The following CSMD3 variants were observed in gnomAD, a reference collection of about 807,000 sequenced individuals.
CSMD3 encodes CUB and Sushi multiple domains 3.
CSMD3 carries 177 observed loss-of-function variants against 435.2 expected under a neutral mutation model. The observed-to-expected ratio is 0.41, with a 90% CI of 0.36 to 0.46. The LOEUF (loss-of-function observed/expected upper bound fraction) is 0.46, where lower values mean the gene tolerates loss of function less well. CSMD3 is among the 20% of genes least tolerant of loss of function. The pLI, the probability that CSMD3 is intolerant of heterozygous loss-of-function variation, is 0.34. For synonymous variants in CSMD3, 1,656 were observed against 1,520.5 expected (o/e 1.09, Z -2.07); for missense variants, 4,265 against 4,504.6 (o/e 0.95, Z 1.52).
chr8:113,233,110 TATA>T (rs998663899), intron 3 of CSMD3, among the ~76,000 whole-genome samples: 18 of 152,012 alleles, frequency 1.2e-4, no homozygotes, highest in African/African-American at 4.3e-4. Context: ...AAAAATTAGG[TATA>T]ATACCTGAAA....
chr8:112,948,391 G>T (rs1394426776), intron 8 of CSMD3, among the ~76,000 whole-genome samples: 7 of 151,962 alleles, frequency 4.6e-5, no homozygotes, highest in Non-Finnish European at 1.0e-4. Flanking sequence ...CAGCAGTGGT[G>T]CAAATTACTA....
chr8:112,795,648 G>A (rs1037219599), intron 13 of CSMD3, among the ~76,000 whole-genome samples: 2 of 152,058 alleles, frequency 1.3e-5, no homozygotes, highest in Non-Finnish European at 2.9e-5. Flanking sequence ...GATGGTAGAG[G>A]GAATTCAAGA....
At position 112,794,741 on chromosome 8, in the gene CSMD3, G is replaced by T. The variant is rs531255255; in HGVS notation, c.1972+5421C>A. On this transcript the variant is annotated intron_variant, in intron 13 of 70. Transcript: ENST00000297405. ...AAAGAACTGCCAGTCAGGGATAAAAGCAGATGCAGTCAAAGAGAGAAAGAG... is the reference window on the plus strand; with the variant it reads ...AAAGAACTGCCAGTCAGGGATAAAATCAGATGCAGTCAAAGAGAGAAAGAG... Among the ~76,000 whole-genome samples, 73 of 152,146 alleles carry T rather than the reference G, an allele frequency of 4.8e-4. 2 individuals are homozygous for T. Among genetic ancestry groups the T allele is most frequent in the Admixed American group, 4.2e-3 (64 of 15,268 alleles).
chr8:113,376,041 T>A (rs189107571), intron 1 of CSMD3, among the ~76,000 whole-genome samples: 1 of 152,326 alleles, frequency 6.6e-6, no homozygotes, highest in Non-Finnish European at 1.5e-5. Context: ...ATGTAACTTT[T>A]ATTTTGTCAA....
intron 6 of CSMD3, among the ~76,000 whole-genome samples, chr8:113,002,277 A>G (rs2085892720): frequency 6.6e-6 from 1 of 152,132 alleles, no homozygotes; most frequent in Admixed American, 6.6e-5. Flanking sequence ...TTTCCAAAGT[A>G]TGCACTCATA....
chr8:112,318,453 C>G (rs933173312), intron 47 of CSMD3, among the ~76,000 whole-genome samples: 2 of 151,942 alleles, frequency 1.3e-5, no homozygotes, highest in African/African-American at 4.8e-5. Context: ...AACAGGTACT[C>G]AACAAAGTTT....
chr8:112,378,081 T>A (rs904737052), intron 38 of CSMD3, among the ~76,000 whole-genome samples: 2 of 151,748 alleles, frequency 1.3e-5, no homozygotes, highest in Non-Finnish European at 2.9e-5. Context: ...GATGATAAGA[T>A]CCTAAATGCA....
In CSMD3 at chr8:112,336,690, G is replaced by A. The variant is rs760983451; in HGVS notation, c.6981C>T (p.Val2327=). The change falls in exon 44 of 71, where the codon GTC becomes GTT. Residue 2327 remains valine (V), a synonymous_variant. Coordinates refer to ENST00000297405, the MANE Select transcript of CSMD3 (RefSeq NM_198123.2). ...PGNGIYINFT[V]LQTEPIYDFI... is the part of the protein sequence containing the mutation. Reference sequence around the variant, plus strand: ...AATCATATATTGGTTCTGTTTGAAGGACAGTAAAATTGATGTAGATGCCAT... The same window carrying A: ...AATCATATATTGGTTCTGTTTGAAGAACAGTAAAATTGATGTAGATGCCAT... 2 of 1,612,672 alleles carry A rather than the reference G, an allele frequency of 1.2e-6. No individual in the cohort carries two copies. The highest frequency in any genetic ancestry group is 1.7e-6 in the Non-Finnish European group (2 of 1,178,930).
intron 22 of CSMD3, among the ~76,000 whole-genome samples, chr8:112,614,007 T>C (rs1833476308): frequency 6.6e-6 from 1 of 152,120 alleles, no homozygotes; most frequent in South Asian, 2.1e-4. Flanking sequence ...ATAAGTCAGA[T>C]GGTTGTATGT....
chr8:112,848,203 A>G (rs1412970921), intron 11 of CSMD3, among the ~76,000 whole-genome samples: 1 of 152,156 alleles, frequency 6.6e-6, no homozygotes, highest in African/African-American at 2.4e-5. Flanking sequence ...TATCAGAACT[A>G]TATGAAAAAC....
intron 13 of CSMD3, among the ~76,000 whole-genome samples, chr8:112,690,948 G>A (rs181886437): frequency 1.4e-3 from 214 of 151,920 alleles, no homozygotes; most frequent in African/African-American, 4.7e-3. Context: ...CTCAAATATC[G>A]ACACATTGCT....
intron 3 of CSMD3, among the ~76,000 whole-genome samples, chr8:113,256,890 G>A (rs1291319422): frequency 6.6e-6 from 1 of 152,130 alleles, no homozygotes; most frequent in African/African-American, 2.4e-5. Context: ...AGAAATGCAG[G>A]CTCCTGAGCC....
intron 12 of CSMD3, among the ~76,000 whole-genome samples, chr8:112,827,260 G>GT (rs1280676741): frequency 1.7e-5 from 2 of 115,978 alleles, no homozygotes; most frequent in African/African-American, 3.4e-5. Context: ...GCTTTTTTTT[G>GT]TTTTTTTAAG....
chr8:112,745,070 G>C (rs16884039), intron 13 of CSMD3, among the ~76,000 whole-genome samples: 50,514 of 151,892 alleles, frequency 0.33, 9,262 homozygotes, highest in African/African-American at 0.5. Flanking sequence ...ACAGGTAAGC[G>C]TGGTCAGCTG....
chr8:112,304,988 C>T (rs1372093010), intron 51 of CSMD3, 73 bp from the exon 52 acceptor site: 3 of 1,073,488 alleles, frequency 2.8e-6, no homozygotes, highest in Admixed American at 3.8e-5. Context: ...CTTTACATCT[C>T]CACTGACCTA....
At chr8:112,961,117 TA>T (rs2084212555) in intron 7 of CSMD3, among the ~76,000 whole-genome samples, 1 of 151,774 alleles carries the variant, frequency 6.6e-6, no homozygotes, top group South Asian at 2.1e-4. Flanking sequence ...CAAGAATCTT[TA>T]AATGTTAGTT....
chr8:112,440,290 G>T (rs1187206401), intron 32 of CSMD3, among the ~76,000 whole-genome samples: 1 of 152,156 alleles, frequency 6.6e-6, no homozygotes, highest in Admixed American at 6.5e-5. Flanking sequence ...GATCTCCATT[G>T]ACTCCATGTC....
intron 5 of CSMD3, among the ~76,000 whole-genome samples, chr8:113,080,506 A>G (rs1228747684): frequency 6.6e-6 from 1 of 152,204 alleles, no homozygotes; most frequent in Non-Finnish European, 1.5e-5. Context: ...TCTATCTAAC[A>G]GAGGAGATAG....
At chr8:113,250,556 T>C (rs1008886507) in intron 3 of CSMD3, among the ~76,000 whole-genome samples, 2 of 152,096 alleles carry the variant, frequency 1.3e-5, no homozygotes, top group African/African-American at 4.8e-5. Context: ...AAAGATTCCA[T>C]TAGATGCAGA....
Sources: allele counts gnomAD v4.1 joint callset (sites outside exome capture counted in the v4.1 genomes callset), GRCh38; gene constraint gnomAD v4.1.1; transcripts MANE v1.5; gene names NCBI Gene and HGNC (gene_info 2026-07-23, HGNC 2026-07-21).